NRXN3: variants seen among roughly 807,000 people sequenced by gnomAD.
The protein encoded by NRXN3 is neurexin 3.
A neutral mutation model predicts 137.6 loss-of-function variants in NRXN3; 32 were observed. That is an observed-to-expected ratio of 0.23 (90% CI 0.18 to 0.31). NRXN3 has a LOEUF of 0.31. Ranked by LOEUF, NRXN3 falls within the 10% of genes least tolerant of loss-of-function variation. The pLI is 1.00. For missense variants in NRXN3, 1,574 were observed against 2,062.5 expected (o/e 0.76, Z 4.59); for synonymous variants, 798 against 784.5 (o/e 1.02, Z -0.29).
chr14:79,524,911 G>A (rs1334890557), intron 16 of NRXN3, among the ~76,000 whole-genome samples: 3 of 152,228 alleles, frequency 2.0e-5, no homozygotes, highest in African/African-American at 7.2e-5. Flanking sequence ...AAAACCCAGC[G>A]AGGCCTGGCC....
chr14:78,196,854 C>A (rs901663693), intron 1 of NRXN3, among the ~76,000 whole-genome samples: 5 of 152,160 alleles, frequency 3.3e-5, no homozygotes, highest in Non-Finnish European at 5.9e-5. Flanking sequence ...TGGAAGCCTG[C>A]GATCAAGACA....
rs201888810 is a variant in NRXN3 at position 78,714,783 on chromosome 14, C to T, written c.1688C>T (p.Thr563Met). 6.2e-6 allele frequency: 10 copies of T among 1,614,038 alleles called. No individual in the cohort carries two copies. Among genetic ancestry groups the T allele is most frequent in the Admixed American group, 3.3e-5 (2 of 60,020 alleles). Residue 563 changes from threonine to methionine, a missense_variant, in exon 8 of 21, where the codon ACG becomes ATG. Physicochemically the swap from Thr to Met is moderately conservative, Grantham distance 81. Around this residue, in one of 5 missense-constraint regions of NRXN3, gnomAD observed 718 missense variants for 887.6 expected, o/e 0.81. Transcript: ENST00000335750. ...ACTATATCAGTGAACAGCAGGCGCA[C>T]GCCATTCACCGCCAGTGGGGAGAGC... Reference protein sequence around the residue: ...SGTISVNSRRTPFTASGESEI... With the variant: ...SGTISVNSRRMPFTASGESEI...
At chr14:79,167,565 G>T (rs549362797) in intron 15 of NRXN3, among the ~76,000 whole-genome samples, 1 of 152,038 alleles carries the variant, frequency 6.6e-6, no homozygotes, top group African/African-American at 2.4e-5. Context: ...TTTCTTATCT[G>T]TTCTGCTTTT....
intron 8 of NRXN3, among the ~76,000 whole-genome samples, chr14:78,769,289 A>C (rs956685719): frequency 1.3e-5 from 2 of 152,228 alleles, no homozygotes; most frequent in Admixed American, 6.5e-5. Context: ...CGCTGTATCC[A>C]AATTTCCCCC....
At chr14:79,140,202 T>C (rs2058661196) in intron 15 of NRXN3, among the ~76,000 whole-genome samples, 1 of 152,060 alleles carries the variant, frequency 6.6e-6, no homozygotes, top group East Asian at 1.9e-4. Context: ...TCTTGCACAT[T>C]CTCTAACAAA....
At chr14:79,412,423 G>A (rs551152015) in intron 15 of NRXN3, among the ~76,000 whole-genome samples, 1 of 152,124 alleles carries the variant, frequency 6.6e-6, no homozygotes, top group Non-Finnish European at 1.5e-5. Context: ...GGCACTAGAG[G>A]AAGGGATAGA....
chr14:79,771,234 C>T (rs1200597738), intron 19 of NRXN3, among the ~76,000 whole-genome samples: 1 of 152,110 alleles, frequency 6.6e-6, no homozygotes, highest in Non-Finnish European at 1.5e-5. Flanking sequence ...GAAACTATTC[C>T]AATCAATAGA....
At chr14:79,448,614 G>T (rs1171373803) in intron 15 of NRXN3, among the ~76,000 whole-genome samples, 1 of 152,188 alleles carries the variant, frequency 6.6e-6, no homozygotes, top group African/African-American at 2.4e-5. Context: ...ATTTAACAGT[G>T]TGTGTAGCCA....
rs532197690 is a variant in NRXN3 at position 79,373,379 on chromosome 14, A to G, written c.3263-93842A>G. Among the ~76,000 whole-genome samples the G allele has an allele frequency of 3.3e-5, 5 of 152,332 alleles. No homozygotes were observed. The East Asian group carries it at 9.6e-4, about 29-fold the overall frequency. On this transcript the variant is annotated intron_variant, in intron 15 of 20. Transcript: ENST00000335750. ...GAATATTTGACTGGGCTGGTTGGTT[A>G]TAGCTGCTGAACAATATGTAATTGT...
chr14:79,150,298 T>C (rs569004346), intron 15 of NRXN3, among the ~76,000 whole-genome samples: 4 of 152,140 alleles, frequency 2.6e-5, no homozygotes, highest in African/African-American at 9.6e-5. Context: ...ATAGTTAAAA[T>C]TGTGCATTTC....
chr14:79,417,839 T>C (rs1372956587), intron 15 of NRXN3, among the ~76,000 whole-genome samples: 1 of 152,162 alleles, frequency 6.6e-6, no homozygotes, highest in Non-Finnish European at 1.5e-5. Flanking sequence ...TCTGAGATGA[T>C]ATGCCAGACA....
chr14:78,817,201 G>T (rs1405666538), intron 10 of NRXN3, among the ~76,000 whole-genome samples: 1 of 152,152 alleles, frequency 6.6e-6, no homozygotes, highest in Non-Finnish European at 1.5e-5. Context: ...ACTTGTCTAT[G>T]CCACAAATGA....
At chr14:79,412,556 A>T (rs987874546) in intron 15 of NRXN3, among the ~76,000 whole-genome samples, 5 of 151,886 alleles carry the variant, frequency 3.3e-5, no homozygotes, top group Admixed American at 6.6e-5. Context: ...AGGTGGGTGG[A>T]TCATTTGAGT....
At chr14:79,858,865 G>A (rs2099408311) in intron 20 of NRXN3, among the ~76,000 whole-genome samples, 1 of 151,840 alleles carries the variant, frequency 6.6e-6, no homozygotes, top group Non-Finnish European at 1.5e-5. Flanking sequence ...TTTTAGGACT[G>A]GCTTACCTTT....
intron 19 of NRXN3, among the ~76,000 whole-genome samples, chr14:79,740,710 T>TATA (rs2098958360): frequency 8.1e-5 from 6 of 73,684 alleles, no homozygotes; most frequent in African/African-American, 2.7e-4. Context: ...GCATTTAGTT[T>TATA]TTTATATATA....
chr14:79,709,993 G>T (rs765530144), intron 19 of NRXN3, among the ~76,000 whole-genome samples: 32 of 152,144 alleles, frequency 2.1e-4, no homozygotes, highest in Non-Finnish European at 3.8e-4. Context: ...CAAGGACAAA[G>T]AGAGAAATAG....
chr14:78,224,861 G>T (rs1237986094), intron 1 of NRXN3, among the ~76,000 whole-genome samples: 1 of 132,458 alleles, frequency 7.5e-6, no homozygotes, highest in Non-Finnish European at 1.5e-5. Context: ...CCGCTTCCCA[G>T]GTTCACGCCA....
At chr14:79,759,712 G>A (rs2099031877) in intron 19 of NRXN3, among the ~76,000 whole-genome samples, 1 of 151,574 alleles carries the variant, frequency 6.6e-6, no homozygotes, top group South Asian at 2.1e-4. Context: ...CCCAAGCTTG[G>A]TAATAAAGTT....
chr14:78,682,322 C>T (rs1017699400), intron 6 of NRXN3, among the ~76,000 whole-genome samples: 4 of 151,806 alleles, frequency 2.6e-5, no homozygotes, highest in South Asian at 2.1e-4. Flanking sequence ...GTCAGCATCA[C>T]GAAGTATCAG....
Sources: gnomAD v4.1 joint callset for allele counts (sites outside exome capture counted in the v4.1 genomes callset) on GRCh38, gnomAD v4.1.1 for gene constraint, gnomAD v4.1.1 regional missense constraint, MANE v1.5 for transcripts, NCBI Gene and HGNC (gene_info 2026-07-23, HGNC 2026-07-21) for gene names.